Variants in YAP1 observed in about 807,000 individuals in gnomAD.
The protein encoded by YAP1 is Yes1 associated transcriptional regulator, also known as transcriptional coactivator YAP1.
In YAP1, 5 loss-of-function variants were observed where a neutral mutation model predicts 56.9. The ratio of observed to expected loss-of-function variants is 0.09; its 90% CI spans 0.05 to 0.18. The LOEUF (loss-of-function observed/expected upper bound fraction) is 0.18, where lower values mean the gene tolerates loss of function less well. YAP1 is among the 10% of genes least tolerant of loss of function. The pLI is 1.00. For synonymous variants in YAP1, 265 were observed against 248.1 expected (o/e 1.07, Z -0.64); for missense variants, 539 against 651.8 (o/e 0.83, Z 1.88).
rs367901761 is a variant in YAP1, at chr11:102,122,686, G to A, written c.572+8292G>A. Among the ~76,000 whole-genome samples, 127 of 152,042 alleles carry A rather than the reference G, an allele frequency of 8.4e-4. 2 individuals carry two copies. In the East Asian group the frequency reaches 0.018, roughly 22 times the overall value. ...AGGCGGGCGGATCACCTGAGGTCAG[G>A]AGTTTGAGACCAGCCTGGCCAACAT... On this transcript the variant is annotated intron_variant, in intron 2 of 8. Coordinates refer to ENST00000282441, the MANE Select transcript of YAP1 (RefSeq NM_001130145.3).
chr11:102,214,738 T>C (rs1198321216), intron 6 of YAP1, among the ~76,000 whole-genome samples: 2 of 152,192 alleles, frequency 1.3e-5, no homozygotes, highest in Non-Finnish European at 2.9e-5. Flanking sequence ...CTCACATACT[T>C]TTAACTGGTT....
chr11:102,169,667 CT>C (rs748473663), intron 3 of YAP1, among the ~76,000 whole-genome samples: 7 of 151,998 alleles, frequency 4.6e-5, no homozygotes, highest in Non-Finnish European at 8.8e-5. Flanking sequence ...TTGCTGTTTT[CT>C]TTTTCCCATC....
At chr11:102,169,366 A>T (rs1946779712) in intron 3 of YAP1, among the ~76,000 whole-genome samples, 1 of 152,172 alleles carries the variant, frequency 6.6e-6, no homozygotes, top group Admixed American at 6.5e-5. Context: ...AGTTATGTTT[A>T]TCTCTGTAGG....
Position 102,184,725 on chromosome 11 carries a change from C to A in YAP1, c.689-1293C>A, listed in dbSNP as rs146864535. ...TCACCCATGAGACTGGTGTGGACTG[C>A]CAATACAGGAAGAAGGGAATTGTTC... is the stretch of plus-strand genomic sequence containing the variant. On this transcript the variant is annotated intron_variant, in intron 3 of 8. Coordinates refer to ENST00000282441, the MANE Select transcript of YAP1 (RefSeq NM_001130145.3). Among the ~76,000 whole-genome samples, 711 of 152,270 alleles carry A rather than the reference C, an allele frequency of 4.7e-3. 6 individuals are homozygous for A. The highest frequency in any genetic ancestry group is 0.016 in the African/African-American group (680 of 41,562).
chr11:102,192,955 G>A (rs764409396), intron 4 of YAP1, among the ~76,000 whole-genome samples: 3 of 152,194 alleles, frequency 2.0e-5, no homozygotes, highest in Non-Finnish European at 4.4e-5. Context: ...GGGCTGAATA[G>A]TTAAGCTTTG....
chr11:102,150,545 C>A (rs773409138), intron 2 of YAP1, among the ~76,000 whole-genome samples: 24 of 151,998 alleles, frequency 1.6e-4, no homozygotes, highest in Non-Finnish European at 3.2e-4. Context: ...ATGGTTTCAC[C>A]CAAATCTTTT....
At chr11:102,171,338 T>C (rs1399983355) in intron 3 of YAP1, among the ~76,000 whole-genome samples, 1 of 152,218 alleles carries the variant, frequency 6.6e-6, no homozygotes, top group Non-Finnish European at 1.5e-5. Context: ...TCTTTAAAAA[T>C]GATATTCATA....
intron 6 of YAP1, among the ~76,000 whole-genome samples, chr11:102,214,947 A>G (rs1162255130): frequency 6.6e-6 from 1 of 152,174 alleles, no homozygotes; most frequent in Non-Finnish European, 1.5e-5. Context: ...AGAGTTTAAG[A>G]TTATCATCTA....
At chr11:102,147,899 A>G (rs547626193) in intron 2 of YAP1, among the ~76,000 whole-genome samples, 1 of 152,212 alleles carries the variant, frequency 6.6e-6, no homozygotes, top group African/African-American at 2.4e-5. Flanking sequence ...AAAAACTGGC[A>G]TATTAGAGAT....
At chr11:102,139,811 G>T (rs1325207472) in intron 2 of YAP1, among the ~76,000 whole-genome samples, 8 of 152,188 alleles carry the variant, frequency 5.3e-5, no homozygotes, top group Admixed American at 1.3e-4. Flanking sequence ...ATTTTAGATT[G>T]TAGATTGCTT....
At chr11:102,214,735 ACTTTT>A (rs1277491052) in intron 6 of YAP1, among the ~76,000 whole-genome samples, 2 of 152,168 alleles carry the variant, frequency 1.3e-5, no homozygotes, top group Admixed American at 1.3e-4. Context: ...CACCTCACAT[ACTTTT>A]AACTGGTTAT....
intron 8 of YAP1, among the ~76,000 whole-genome samples, chr11:102,228,575 CAGTGAGCCA>C (rs1193586228): frequency 1.5e-4 from 20 of 134,142 alleles, no homozygotes; most frequent in Admixed American, 2.7e-4. Flanking sequence ...GCGGAGGTTG[CAGTGAGCCA>C]AGATCACACC....
At position 102,137,762 on chromosome 11, in the gene YAP1, T is replaced by G. The variant is rs1386647114; in HGVS notation, c.572+23368T>G. ...AGAGTCATTGACTTTTTTTTTTTTT[T>G]TTTAAAGTCATGGAGTTCCTTTTCT... On this transcript the variant is annotated intron_variant, in intron 2 of 8. Transcript: ENST00000282441. Among the ~76,000 whole-genome samples the G allele has an allele frequency of 2.0e-5, 3 of 152,222 alleles. No individual in the cohort carries two copies. In the East Asian group the frequency reaches 5.8e-4, roughly 29 times the overall value.
Position 102,139,720 on chromosome 11 carries a change from C to T in YAP1, c.573-22736C>T, listed in dbSNP as rs539915704. Among the ~76,000 whole-genome samples, 7 of 152,086 alleles carry T rather than the reference C, an allele frequency of 4.6e-5. No homozygotes were observed. In the South Asian group the frequency reaches 8.3e-4, roughly 18 times the overall value. On this transcript the variant is annotated intron_variant, in intron 2 of 8. Transcript: ENST00000282441. ...CAGATTTTTCCAGCAGTTTTACTTA[C>T]GCTTATAAAAACAGATGTTGGGTTG...
chr11:102,202,534 C>A (rs944338363), intron 4 of YAP1, among the ~76,000 whole-genome samples: 2 of 151,498 alleles, frequency 1.3e-5, no homozygotes, highest in African/African-American at 2.4e-5. Flanking sequence ...CTGGGACCAA[C>A]TCATCATCCT....
chr11:102,138,428 C>T (rs554149858), intron 2 of YAP1, among the ~76,000 whole-genome samples: 1 of 152,260 alleles, frequency 6.6e-6, no homozygotes, highest in Non-Finnish European at 1.5e-5. Context: ...TTTCTTTTCA[C>T]GTTTTCACCA....
At chr11:102,167,089 A>G (rs1472495775) in intron 3 of YAP1, among the ~76,000 whole-genome samples, 1 of 152,242 alleles carries the variant, frequency 6.6e-6, no homozygotes, top group Non-Finnish European at 1.5e-5. Flanking sequence ...TACTACATAT[A>G]GCCTAGAGAC....
At chr11:102,200,853 A>G (rs1416763259) in intron 4 of YAP1, among the ~76,000 whole-genome samples, 1 of 152,208 alleles carries the variant, frequency 6.6e-6, no homozygotes, top group Non-Finnish European at 1.5e-5. Context: ...TAGATTGTAT[A>G]ATAAGACATA....
At position 102,111,059 on chromosome 11, in the gene YAP1, G is replaced by T; in HGVS notation, c.211G>T (p.Ala71Ser). Residue 71 changes from alanine to serine, a missense_variant, in exon 1 of 9, where the codon GCC becomes TCC. Physicochemically the swap from Ala to Ser is moderately conservative, Grantham distance 99. Around this residue, in one of 4 missense-constraint regions of YAP1, gnomAD observed 414 missense variants for 512.4 expected, o/e 0.81. Coordinates refer to ENST00000282441, the MANE Select transcript of YAP1 (RefSeq NM_001130145.3). Reference protein sequence around the residue: ...SETDLEALFNAVMNPKTANVP... With the variant: ...SETDLEALFNSVMNPKTANVP... The stretch of plus-strand genomic sequence containing the variant: ...GACCGACCTGGAGGCGCTCTTCAAC[G>T]CCGTCATGAACCCCAAGACGGCCAA... 6.2e-7 allele frequency: 1 copy of T among 1,613,136 alleles called. No homozygotes were observed. The highest frequency in any genetic ancestry group is 1.1e-5 in the South Asian group (1 of 91,070).
Sources: allele counts gnomAD v4.1 joint callset (sites outside exome capture counted in the v4.1 genomes callset), GRCh38; gene constraint gnomAD v4.1.1; regional missense constraint gnomAD v4.1.1; transcripts MANE v1.5; gene names NCBI Gene and HGNC (gene_info 2026-07-23, HGNC 2026-07-21).